The following CLCNKB variants were observed in gnomAD, a reference collection of about 807,000 sequenced individuals.
CLCNKB encodes chloride channel protein ClC-Kb.
In CLCNKB, 74 loss-of-function variants were observed where a neutral mutation model predicts 83.8. The ratio of observed to expected loss-of-function variants is 0.88; its 90% CI spans 0.73 to 1.07. CLCNKB has a LOEUF of 1.07. CLCNKB is among the 50% of genes least tolerant of loss of function. The pLI is 0.00. For synonymous variants in CLCNKB, 358 were observed against 356.6 expected (o/e 1.00, Z -0.04); for missense variants, 798 against 893.6 (o/e 0.89, Z 1.36).
At position 16,055,460 on chromosome 1, in the gene CLCNKB, G is replaced by A. The variant is rs757520502; in HGVS notation, c.1782G>A (p.Val594=). 6.2e-7 allele frequency: 1 copy of A among 1,613,584 alleles called. No homozygotes were observed. The highest frequency in any genetic ancestry group is 8.5e-7 in the Non-Finnish European group (1 of 1,179,994). ...STESQILVGI[V]RRAQLVQALK... Reference sequence around the variant, plus strand: ...AGTCCCAGATCCTGGTGGGCATAGTGCGAAGGGCCCAGCTGGTGCAGGCCC... The same window carrying A: ...AGTCCCAGATCCTGGTGGGCATAGTACGAAGGGCCCAGCTGGTGCAGGCCC... The change falls in exon 17 of 20, where the codon GTG becomes GTA. Residue 594 remains valine, a synonymous_variant. Coordinates refer to ENST00000375679, the MANE Select transcript of CLCNKB (RefSeq NM_000085.5).
intron 16 of CLCNKB, 111 bp from the exon 17 acceptor site, chr1:16,055,324 A>G: frequency 1.1e-6 from 1 of 877,786 alleles, no homozygotes; most frequent in South Asian, 1.4e-5. Context: ...CAATAGTCAC[A>G]ATAGCCCCAT....
In CLCNKB at chr1:16,056,772, A is replaced by G. The variant is rs12728542; in HGVS notation, c.2017-97A>G. 255,151 of 1,017,074 alleles carry G rather than the reference A, an allele frequency of 0.25. 39,479 individuals carry two copies. Among genetic ancestry groups the G allele is most frequent in the Admixed American group, 0.42 (22,476 of 53,388 alleles). The allele number at this position is 1,017,074 out of a possible 1,614,324, so 63.0% of individuals were successfully genotyped here. A position where few individuals can be genotyped will look rare whatever the true frequency, so the allele number is the denominator to read the frequency against. On this transcript the variant is annotated intron_variant, in intron 19 of 19. Coordinates refer to ENST00000375679, the MANE Select transcript of CLCNKB (RefSeq NM_000085.5). ...TGGGGTGGCACAGGCTCTACTATTT[A>G]CCCAGAAACCACCCTTAGGGGAACC...
chr1:16,050,420 C>T, intron 10 of CLCNKB, 96 bp from the exon 11 acceptor site: 1 of 1,362,746 alleles, frequency 7.3e-7, no homozygotes, highest in South Asian at 1.2e-5. Context: ...CATTCCTGCT[C>T]TTCCTCCCCA....
chr1:16,047,538 G>A (rs572124351), intron 4 of CLCNKB, among the ~76,000 whole-genome samples: 2 of 152,264 alleles, frequency 1.3e-5, no homozygotes, highest in East Asian at 3.9e-4. Context: ...CACTTTGGGA[G>A]GCGGAAGTGG....
At position 16,055,765 on chromosome 1, in the gene CLCNKB, G is replaced by A; in HGVS notation, c.1929+7G>A. On this transcript the variant is annotated splice_region_variant and intron_variant, in intron 18 of 19. Transcript: ENST00000375679. Reference sequence around the variant, plus strand: ...AGAGACTTCCCTGCATGAGGTAACGGGGAGAACTGGGGAGTGTGACACATG... The same window carrying A: ...AGAGACTTCCCTGCATGAGGTAACGAGGAGAACTGGGGAGTGTGACACATG... 3 of 1,612,648 alleles carry A rather than the reference G, an allele frequency of 1.9e-6. No homozygotes were observed. The highest frequency in any genetic ancestry group is 2.5e-6 in the Non-Finnish European group (3 of 1,178,982).
At chr1:16,044,377 A>ACACACACACG in intron 1 of CLCNKB, 109 bp from the exon 2 acceptor site, 1 of 830,278 alleles carries the variant, frequency 1.2e-6, no homozygotes, top group Non-Finnish European at 2.0e-6. Flanking sequence ...ACACACACAC[A>ACACACACACG]CGCACAATCT....
In CLCNKB at chr1:16,045,782, G is replaced by GT. The variant is rs1396150516; in HGVS notation, c.229+96_229+97insT. 2.3e-5 allele frequency: 30 copies of GT among 1,285,398 alleles called. No homozygotes were observed. The Admixed American group carries it at 5.9e-4, about 25-fold the overall frequency. The allele number at this position is 1,285,398 out of a possible 1,614,324, so 79.6% of individuals were successfully genotyped here. On this transcript the variant is annotated intron_variant, in intron 3 of 19. Coordinates refer to ENST00000375679, the MANE Select transcript of CLCNKB (RefSeq NM_000085.5). ...TGTCGCCAGGTGCAGCGGAGGTTGG[G>GT]GGGGGTGCTCTGGGTGGGGATCTGG...
downstream of CLCNKB, chr1:16,057,321 C>A (rs1289925216): frequency 5.9e-6 from 3 of 512,746 alleles, no homozygotes; most frequent in Non-Finnish European, 1.2e-5. Flanking sequence ...TGGTGTCCAT[C>A]CCTCATCTCA....
In CLCNKB at chr1:16,051,823, G is replaced by A. The variant is rs937748849; in HGVS notation, c.1408+3G>A. 2 of 1,607,368 alleles carry A rather than the reference G, an allele frequency of 1.2e-6. No homozygotes were observed. Among genetic ancestry groups the A allele is most frequent in the African/African-American group, 2.7e-5 (2 of 74,700 alleles). Reference sequence around the variant, plus strand: ...GCCAGGGGGGTATGCTCTGGCAGGTGAGTGGGTCAGGGGCCTGCTGCGTGG... The same window carrying A: ...GCCAGGGGGGTATGCTCTGGCAGGTAAGTGGGTCAGGGGCCTGCTGCGTGG... On this transcript the variant is annotated splice_donor_region_variant and intron_variant, in intron 14 of 19. Coordinates refer to ENST00000375679, the MANE Select transcript of CLCNKB (RefSeq NM_000085.5).
chr1:16,047,254 G>A (rs2023129440), intron 4 of CLCNKB, among the ~76,000 whole-genome samples: 1 of 151,998 alleles, frequency 6.6e-6, no homozygotes, highest in Non-Finnish European at 1.5e-5. Flanking sequence ...ACCAGCCTGG[G>A]CAACACAGGG....
At chr1:16,048,684 T>A in intron 7 of CLCNKB, 102 bp downstream of exon 7, 1 of 1,552,894 alleles carries the variant, frequency 6.4e-7, no homozygotes. Context: ...GGGGTGGGGC[T>A]CATTCTAGTT....
intron 16 of CLCNKB, among the ~76,000 whole-genome samples, chr1:16,054,398 G>C (rs1415969246): frequency 6.6e-6 from 1 of 152,120 alleles, no homozygotes; most frequent in African/African-American, 2.4e-5. Flanking sequence ...TTGCACTTTG[G>C]GCAGGCACCT....
chr1:16,045,734 T>C (rs1219872611), intron 3 of CLCNKB, 48 bp downstream of exon 3: 7 of 1,453,548 alleles, frequency 4.8e-6, no homozygotes, highest in Non-Finnish European at 5.6e-6. Flanking sequence ...GATTCTGAGC[T>C]CTCTCTGGGG....
Position 16,051,578 on chromosome 1 carries a change from T to C in CLCNKB, c.1297+31T>C, listed in dbSNP as rs371488370. The C allele has an allele frequency of 1.9e-6, 3 of 1,613,030 alleles. No homozygotes were observed. In the African/African-American group the frequency reaches 4.0e-5, roughly 22 times the overall value. On this transcript the variant is annotated intron_variant, in intron 13 of 19. Coordinates refer to ENST00000375679, the MANE Select transcript of CLCNKB (RefSeq NM_000085.5). ...TCTGGGGTCCTGAGGTTCTGAGAGT[T>C]TCGGGGTTCTTGGGGCAGGACCATG... is the stretch of plus-strand genomic sequence containing the variant.
chr1:16,046,899 C>T (rs1431418337), intron 4 of CLCNKB, among the ~76,000 whole-genome samples: 1 of 152,202 alleles, frequency 6.6e-6, no homozygotes, highest in African/African-American at 2.4e-5. Context: ...GGATCTTCTG[C>T]GAAGCCTGTT....
rs545117992 is a variant in CLCNKB, at chr1:16,051,119, G to A, written c.1227+71G>A. On this transcript the variant is annotated intron_variant, in intron 12 of 19. Coordinates refer to ENST00000375679, the MANE Select transcript of CLCNKB (RefSeq NM_000085.5). Reference sequence around the variant, plus strand: ...TGGTGGTGGTGGGGGGTACCTCATCGCAGCTGGTGGCATGGAGCCCAGGCC... The same window carrying A: ...TGGTGGTGGTGGGGGGTACCTCATCACAGCTGGTGGCATGGAGCCCAGGCC... 38 of 1,605,710 alleles carry A rather than the reference G, an allele frequency of 2.4e-5. No homozygotes were observed. The South Asian group carries it at 2.7e-4, about 11-fold the overall frequency.
rs372746943 is a variant in CLCNKB at position 16,045,181 on chromosome 1, A to C, written c.101-377A>C. Among the ~76,000 whole-genome samples the C allele has an allele frequency of 2.2e-4, 33 of 152,130 alleles. 1 individual carries two copies. The highest frequency in any genetic ancestry group is 7.7e-4 in the African/African-American group (32 of 41,414). On this transcript the variant is annotated intron_variant, in intron 2 of 19. Coordinates refer to ENST00000375679, the MANE Select transcript of CLCNKB (RefSeq NM_000085.5). ...CGCCACAGGTCCTGGGACACGCAGGAGTCTGCTAGATCCTGGTGCTCTCTA... is the reference window on the plus strand; with the variant it reads ...CGCCACAGGTCCTGGGACACGCAGGCGTCTGCTAGATCCTGGTGCTCTCTA...
chr1:16,050,789 T>C lies in CLCNKB; in HGVS notation c.1054-86T>C, dbSNP rs112933556. ...CCCGCTGGGAAGTGGCAGAGGAGGA[T>C]TCCAGGCGGGGTCAGGCGGTGCGGG... On this transcript the variant is annotated intron_variant, in intron 11 of 19. Coordinates refer to ENST00000375679, the MANE Select transcript of CLCNKB (RefSeq NM_000085.5). The C allele has an allele frequency of 5.6e-6, 9 of 1,593,968 alleles. No homozygotes were observed. In the African/African-American group the frequency reaches 8.0e-5, roughly 14 times the overall value.
intron 4 of CLCNKB, among the ~76,000 whole-genome samples, chr1:16,047,685 C>T (rs1297154844): frequency 2.0e-5 from 3 of 152,162 alleles, no homozygotes; most frequent in Non-Finnish European, 4.4e-5. Context: ...AGGAGGATAA[C>T]TTGAGCCCTG....
Sources: allele counts gnomAD v4.1 joint callset (sites outside exome capture counted in the v4.1 genomes callset), GRCh38; gene constraint gnomAD v4.1.1; transcripts MANE v1.5; gene names NCBI Gene and HGNC (gene_info 2026-07-23, HGNC 2026-07-21).